The following ZZEF1 variants were observed in gnomAD, a reference collection of about 807,000 sequenced individuals.
The protein encoded by ZZEF1 is zinc finger ZZ-type and EF-hand domain-containing protein 1.
In ZZEF1, 157 loss-of-function variants were observed where a neutral mutation model predicts 342.8. The ratio of observed to expected loss-of-function variants is 0.46; its 90% CI spans 0.40 to 0.52. The LOEUF is 0.52. ZZEF1 is among the 20% of genes least tolerant of loss of function. The probability of loss-of-function intolerance (pLI) is 0.00; values close to 1 mark genes in which losing one functional copy is unlikely to be tolerated. For synonymous variants in ZZEF1, 1,505 were observed against 1,429.1 expected (o/e 1.05, Z -1.20); for missense variants, 3,480 against 3,725.6 (o/e 0.93, Z 1.72).
chr17:4,039,730 G>A lies in ZZEF1; in HGVS notation c.6306+2699C>T, dbSNP rs995485207. ...ACAATCTCGGCTCACTGCAACCTCCGCCTCCCGGGTTCACGCCATTCTCCT... is the reference window on the plus strand; with the variant it reads ...ACAATCTCGGCTCACTGCAACCTCCACCTCCCGGGTTCACGCCATTCTCCT... On this transcript the variant is annotated intron_variant, in intron 39 of 54. Transcript: ENST00000381638. Among the ~76,000 whole-genome samples the A allele has an allele frequency of 2.7e-3, 375 of 138,168 alleles. 2 individuals are homozygous for A. The highest frequency in any genetic ancestry group is 9.7e-3 in the African/African-American group (355 of 36,432). 90.6% of individuals were successfully genotyped at this position (138,168 alleles called of 152,430 possible). A position where few individuals can be genotyped will look rare whatever the true frequency, so the allele number is the denominator to read the frequency against.
intron 15 of ZZEF1, 61 bp from the exon 16 acceptor site, chr17:4,085,864 C>T (rs1196285115): frequency 6.3e-7 from 1 of 1,589,012 alleles, no homozygotes; most frequent in African/African-American, 1.3e-5. Flanking sequence ...TATACATCTG[C>T]TATAACTAGC....
At chr17:4,081,959 G>C (rs572800219) in intron 17 of ZZEF1, among the ~76,000 whole-genome samples, 2 of 152,266 alleles carry the variant, frequency 1.3e-5, no homozygotes, top group South Asian at 4.2e-4. Flanking sequence ...AGTCGCTAAG[G>C]ATATTAGTTC....
At chr17:4,033,177 C>T (rs1008341708) in intron 40 of ZZEF1, 175 bp from the exon 41 acceptor site, 1 of 610,980 alleles carries the variant, frequency 1.6e-6, no homozygotes, top group Non-Finnish European at 2.7e-6. Flanking sequence ...CAAACAAAAT[C>T]AAGACTTGTT....
In ZZEF1 at chr17:4,081,424, A is replaced by G. The variant is rs1165623451; in HGVS notation, c.2781T>C (p.Ser927=). The G allele has an allele frequency of 1.9e-6, 3 of 1,613,938 alleles. No homozygotes were observed. Among genetic ancestry groups the G allele is most frequent in the African/African-American group, 1.3e-5 (1 of 74,924 alleles). The part of the protein sequence containing the change: ...EKNDLAKMNI[S]EVLAVMDTLV... ...GAGTGTCCATGACCGCCAGGACTTCACTGATGTTCATCTTGGCCAGGTCGT... is the reference window on the plus strand; with the variant it reads ...GAGTGTCCATGACCGCCAGGACTTCGCTGATGTTCATCTTGGCCAGGTCGT... The change falls in exon 18 of 55, where the codon AGT becomes AGC. Residue 927 remains serine, a synonymous_variant. Coordinates refer to ENST00000381638, the MANE Select transcript of ZZEF1 (RefSeq NM_015113.4).
At position 4,013,436 on chromosome 17, in the gene ZZEF1, G is replaced by C; in HGVS notation, c.8579+13C>G. On this transcript the variant is annotated intron_variant, in intron 52 of 54. Transcript: ENST00000381638. ...ATGCCTGGCAAAGGGCTGCCATCCG[G>C]GACACCGCTTACCTGTGGCCGCAGC... 6.3e-7 allele frequency: 1 copy of C among 1,589,876 alleles called. No homozygotes were observed. Among genetic ancestry groups the C allele is most frequent in the Non-Finnish European group, 8.6e-7 (1 of 1,164,840 alleles).
chr17:4,096,318 C>A (rs184431691), intron 10 of ZZEF1, among the ~76,000 whole-genome samples: 323 of 151,298 alleles, frequency 2.1e-3, no homozygotes, highest in African/African-American at 7.3e-3. Flanking sequence ...AAAAAAAAAA[C>A]CAAAACACCA....
rs2056125454 is a variant in ZZEF1 at position 4,017,122 on chromosome 17, A to G, written c.8001+249T>C. 6.0e-6 allele frequency: 3 copies of G among 500,194 alleles called. No individual in the cohort carries two copies. In the East Asian group the frequency reaches 1.0e-4, roughly 17 times the overall value. The allele number at this position is 500,194 out of a possible 1,614,324, so 31.0% of individuals were successfully genotyped here. A position where few individuals can be genotyped will look rare whatever the true frequency, so the allele number is the denominator to read the frequency against. On this transcript the variant is annotated intron_variant, in intron 48 of 54. Coordinates refer to ENST00000381638, the MANE Select transcript of ZZEF1 (RefSeq NM_015113.4). This position sits in a 1 kb window ranked among gnomAD's most constrained non-coding sequence, Gnocchi z 5.1. ...ACCGAATGTGCCTCAAGATTTCTGCACTTGGAAACTGGGAAGATGGCGACA... is the reference window on the plus strand; with the variant it reads ...ACCGAATGTGCCTCAAGATTTCTGCGCTTGGAAACTGGGAAGATGGCGACA...
At chr17:4,037,133 T>C (rs1048350690) in intron 39 of ZZEF1, among the ~76,000 whole-genome samples, 1 of 152,152 alleles carries the variant, frequency 6.6e-6, no homozygotes. Flanking sequence ...CAGGAAATCA[T>C]GAACCCATAC....
rs756878833 is a variant in ZZEF1, at chr17:4,085,693, G to A, written c.2623C>T (p.Arg875Trp). The change falls in exon 16 of 55, where the codon CGG becomes TGG. Residue 875 changes from arginine to tryptophan, a missense_variant. Physicochemically the swap from Arg to Trp is moderately radical, Grantham distance 101 (BLOSUM62 -3). Transcript: ENST00000381638. ...ACCATCATGGTGAAGAGATGGTTCC[G>A]TCGGGTCTGTCGATTAGGAAAGAAG... is the stretch of plus-strand genomic sequence containing the variant. ...AIFFPNRQTR[R>W]NHLFTMMNVT... 1.3e-5 allele frequency: 21 copies of A among 1,614,122 alleles called. No homozygotes were observed. The highest frequency in any genetic ancestry group is 1.1e-4 in the South Asian group (10 of 91,074).
intron 16 of ZZEF1, 145 bp downstream of exon 16, chr17:4,085,525 T>C (rs939431362): frequency 2.1e-6 from 2 of 941,724 alleles, no homozygotes; most frequent in African/African-American, 3.3e-5. Flanking sequence ...TGTCCTTAGA[T>C]ATCTGTCCCA....
Position 4,056,360 on chromosome 17 carries a change from T to TA in ZZEF1, c.5166-16dup. The TA allele has an allele frequency of 1.3e-6, 2 of 1,570,624 alleles. No individual in the cohort carries two copies. The highest frequency in any genetic ancestry group is 1.7e-6 in the Non-Finnish European group (2 of 1,158,214). ...CACTCCATTGGCTGAAAGAAGGACA[T>TA]AAAGAGAGAAAAGCATGCCTCTCCC... On this transcript the variant is annotated splice_polypyrimidine_tract_variant and intron_variant, in intron 32 of 54. Coordinates refer to ENST00000381638, the MANE Select transcript of ZZEF1 (RefSeq NM_015113.4).
At chr17:4,044,126 C>G in intron 38 of ZZEF1, 98 bp downstream of exon 38, 1 of 1,377,440 alleles carries the variant, frequency 7.3e-7, no homozygotes, top group Non-Finnish European at 1.0e-6. Flanking sequence ...CCCCTGGCGT[C>G]TAGCCAATGT....
intron 36 of ZZEF1, 100 bp downstream of exon 36, chr17:4,050,681 G>T: frequency 6.5e-7 from 1 of 1,549,540 alleles, no homozygotes; most frequent in Non-Finnish European, 8.7e-7. Context: ...AAAAGTGGAT[G>T]TTGCCACCTG....
Position 4,017,192 on chromosome 17 carries a change from T to A in ZZEF1, c.8001+179A>T. 1 of 845,086 alleles carries A rather than the reference T, an allele frequency of 1.2e-6. No homozygotes were observed. Among genetic ancestry groups the A allele is most frequent in the Non-Finnish European group, 1.7e-6 (1 of 573,812 alleles). The allele number at this position is 845,086 out of a possible 1,614,324, so 52.3% of individuals were successfully genotyped here. On this transcript the variant is annotated intron_variant, in intron 48 of 54. Transcript: ENST00000381638. The surrounding 1 kb of genome is among the most constrained non-coding windows in gnomAD (Gnocchi z 5.1). ...GAAATCGCGCTCAGGGCCCCTGAGT[T>A]CCTCACTAGCCCAATCCTTGGGAGA...
rs1008547296 is a variant in ZZEF1 at position 4,142,448 on chromosome 17, G to A, written c.354+94C>T. On this transcript the variant is annotated intron_variant, in intron 1 of 54. Coordinates refer to ENST00000381638, the MANE Select transcript of ZZEF1 (RefSeq NM_015113.4). Reference sequence around the variant, plus strand: ...CTGGAAACACCTCATATGGGTCCCCGCCTGGCCTCTCCAAAGCAAATGCCC... The same window carrying A: ...CTGGAAACACCTCATATGGGTCCCCACCTGGCCTCTCCAAAGCAAATGCCC... The A allele has an allele frequency of 2.5e-5, 34 of 1,340,320 alleles. 1 individual carries two copies. The East Asian group carries it at 7.9e-4, about 31-fold the overall frequency. 83.0% of individuals were successfully genotyped at this position (1,340,320 alleles called of 1,614,324 possible). A position where few individuals can be genotyped will look rare whatever the true frequency, so the allele number is the denominator to read the frequency against.
At chr17:4,096,727 G>C (rs777064669) in intron 9 of ZZEF1, 27 bp from the exon 10 acceptor site, 2 of 1,582,922 alleles carry the variant, frequency 1.3e-6, no homozygotes, top group South Asian at 2.2e-5. Context: ...CTCAAGTTAG[G>C]GAACTAACCC....
At chr17:4,012,895 C>T (rs1397064235) in intron 52 of ZZEF1, among the ~76,000 whole-genome samples, 3 of 151,944 alleles carry the variant, frequency 2.0e-5, no homozygotes, top group Non-Finnish European at 2.9e-5. Flanking sequence ...ATAAATTTAA[C>T]AAAATGTTAA....
intron 36 of ZZEF1, among the ~76,000 whole-genome samples, chr17:4,050,242 A>G (rs1216758256): frequency 6.6e-6 from 1 of 152,178 alleles, no homozygotes; most frequent in African/African-American, 2.4e-5. Context: ...CCCATGTGCT[A>G]TCTCATACAG....
intron 1 of ZZEF1, among the ~76,000 whole-genome samples, chr17:4,132,481 G>A (rs1453196056): frequency 6.6e-6 from 1 of 151,962 alleles, no homozygotes; most frequent in African/African-American, 2.4e-5. Context: ...GGCGGTTCAC[G>A]AGGTCAGGGC....
Sources: gnomAD v4.1 joint callset for allele counts (sites outside exome capture counted in the v4.1 genomes callset) on GRCh38, gnomAD v4.1.1 for gene constraint, Gnocchi (gnomAD v3.1) non-coding constraint, MANE v1.5 for transcripts, NCBI Gene and HGNC (gene_info 2026-07-23, HGNC 2026-07-21) for gene names.